Variants in TMEM131 observed in about 807,000 individuals in gnomAD.
TMEM131 encodes the protein transmembrane protein 131, also known as 2610524E03Rik.
A neutral mutation model predicts 211.6 loss-of-function variants in TMEM131; 66 were observed. The observed-to-expected ratio is 0.31, with a 90% CI of 0.26 to 0.38. The LOEUF is 0.38. Ranked by LOEUF, TMEM131 falls within the 10% of genes least tolerant of loss-of-function variation. The pLI, the probability that TMEM131 is intolerant of heterozygous loss-of-function variation, is 1.00. For missense variants in TMEM131, 2,036 were observed against 2,299.3 expected, an observed-to-expected ratio of 0.89 and a Z score of 2.34; for synonymous variants, 844 against 841.3, an observed-to-expected ratio of 1.00 and a Z score of -0.06.
At chr2:97,934,207 C>A (rs1002605567) in intron 1 of TMEM131, among the ~76,000 whole-genome samples, 3 of 152,104 alleles carry the variant, frequency 2.0e-5, no homozygotes, top group African/African-American at 7.2e-5. Flanking sequence ...AAATCCAGTA[C>A]ATTTCTATAT....
At chr2:97,811,376 C>A in intron 17 of TMEM131, 144 bp from the exon 18 acceptor site, 6 of 646,048 alleles carry the variant, frequency 9.3e-6, no homozygotes, top group South Asian at 8.6e-5. Flanking sequence ...TCACTGTGTA[C>A]AAATATCTCA....
chr2:97,963,354 G>A (rs1415750371), intron 1 of TMEM131, among the ~76,000 whole-genome samples: 1 of 152,184 alleles, frequency 6.6e-6, no homozygotes, highest in African/African-American at 2.4e-5. Flanking sequence ...GAGAAAAGGA[G>A]CTTTACTAAT....
chr2:97,904,156 A>T (rs921312565), intron 3 of TMEM131, among the ~76,000 whole-genome samples: 1 of 152,176 alleles, frequency 6.6e-6, no homozygotes, highest in African/African-American at 2.4e-5. Flanking sequence ...ACAAAATTCC[A>T]ATGAGGCCTC....
At chr2:97,851,358 A>G (rs1009460187) in intron 5 of TMEM131, among the ~76,000 whole-genome samples, 2 of 152,090 alleles carry the variant, frequency 1.3e-5, no homozygotes, top group Admixed American at 1.3e-4. Flanking sequence ...CTGTCCTTCT[A>G]GTTGCTCAGG....
intron 35 of TMEM131, chr2:97,763,411 C>G (rs1256779469): frequency 6.5e-6 from 1 of 152,756 alleles, no homozygotes; most frequent in African/African-American, 2.4e-5. Flanking sequence ...GCCAGACTCA[C>G]GGTCCTGTCT....
chr2:97,776,410 T>C (rs1042313296), intron 31 of TMEM131, among the ~76,000 whole-genome samples: 6 of 152,202 alleles, frequency 3.9e-5, no homozygotes, highest in African/African-American at 1.4e-4. Flanking sequence ...ACAACTTTTG[T>C]TGGAAGAGGC....
In TMEM131 at chr2:97,792,743, G is replaced by A. The variant is rs1320578372; in HGVS notation, c.3787C>T (p.Leu1263Phe). 1 of 1,614,020 alleles carries A rather than the reference G, an allele frequency of 6.2e-7. No homozygotes were observed. Among genetic ancestry groups the A allele is most frequent in the Admixed American group, 1.7e-5 (1 of 60,026 alleles). The change falls in exon 31 of 41, where the codon CTT becomes TTT. Residue 1263 changes from leucine to phenylalanine, a missense_variant. Around this residue, in one of 3 missense-constraint regions of TMEM131, gnomAD observed 1,623 missense variants for 1,805.9 expected, o/e 0.90. Coordinates refer to ENST00000186436, the MANE Select transcript of TMEM131 (RefSeq NM_015348.2). Reference sequence around the variant, plus strand: ...GTCACTGTGTTCGAATCTAAGACAAGGGGGCTTGTTTTGTTAGCAGACTGT... The same window carrying A: ...GTCACTGTGTTCGAATCTAAGACAAAGGGGCTTGTTTTGTTAGCAGACTGT... ...SSQSANKTSPLVLDSNTVTQG... is the reference protein window; with the variant it reads ...SSQSANKTSPFVLDSNTVTQG...
intron 5 of TMEM131, among the ~76,000 whole-genome samples, chr2:97,856,265 T>G (rs35807655): frequency 0.36 from 54,177 of 151,948 alleles, 10,708 homozygotes; most frequent in Middle Eastern, 0.49. Flanking sequence ...ATTACATAAT[T>G]TTGAATTATA....
At chr2:97,966,810 T>C (rs1230108052) in intron 1 of TMEM131, among the ~76,000 whole-genome samples, 3 of 152,166 alleles carry the variant, frequency 2.0e-5, no homozygotes, top group African/African-American at 7.2e-5. Flanking sequence ...AGCTGACACA[T>C]GAGGACTAGT....
At chr2:97,794,841 C>T (rs1412187434) in intron 29 of TMEM131, 89 bp downstream of exon 29, 1 of 1,095,056 alleles carries the variant, frequency 9.1e-7, no homozygotes, top group Non-Finnish European at 1.3e-6. Context: ...CATATCCTAG[C>T]ACTCAGAACA....
At chr2:97,774,654 G>A (rs10191483) in intron 32 of TMEM131, among the ~76,000 whole-genome samples, 30,869 of 152,108 alleles carry the variant, frequency 0.2, 3,435 homozygotes, top group Middle Eastern at 0.26. Flanking sequence ...ACTGGGGGCC[G>A]CTGGAGAGGG....
chr2:97,971,878 T>C (rs1281374525), intron 1 of TMEM131, among the ~76,000 whole-genome samples: 15 of 150,872 alleles, frequency 9.9e-5, no homozygotes, highest in Admixed American at 9.9e-4. Flanking sequence ...ATAAGCAAAA[T>C]AAAATAAAAT....
chr2:97,807,110 T>C (rs1681343944), intron 19 of TMEM131, among the ~76,000 whole-genome samples: 6 of 152,344 alleles, frequency 3.9e-5, no homozygotes, highest in Middle Eastern at 6.8e-3. Context: ...TCTGAGGTAT[T>C]GTTTCCAGTA....
chr2:97,854,234 T>C (rs1673748402), intron 5 of TMEM131, among the ~76,000 whole-genome samples: 1 of 152,328 alleles, frequency 6.6e-6, no homozygotes, highest in African/African-American at 2.4e-5. Flanking sequence ...GCTGACATGA[T>C]CATCAGCAGT....
chr2:97,785,963 T>C (rs1015626584), intron 31 of TMEM131, among the ~76,000 whole-genome samples: 5 of 152,222 alleles, frequency 3.3e-5, no homozygotes, highest in Non-Finnish European at 7.3e-5. Context: ...TTCTACAATT[T>C]TGTCATTTCA....
chr2:97,995,352 T>C (rs925778506), intron 1 of TMEM131, 124 bp downstream of exon 1: 3 of 1,014,032 alleles, frequency 3.0e-6, no homozygotes, highest in Admixed American at 4.4e-5. Flanking sequence ...CTCGGGACGG[T>C]ACCCGACCGC....
At chr2:97,988,654 A>G (rs1275878203) in intron 1 of TMEM131, among the ~76,000 whole-genome samples, 1 of 152,204 alleles carries the variant, frequency 6.6e-6, no homozygotes, top group Non-Finnish European at 1.5e-5. Flanking sequence ...CAAATGCCCA[A>G]GAAGGATATG....
chr2:97,919,049 G>GT (rs1334708126), intron 2 of TMEM131, among the ~76,000 whole-genome samples: 2 of 152,140 alleles, frequency 1.3e-5, no homozygotes, highest in African/African-American at 4.8e-5. Context: ...TGTGGCTTAA[G>GT]TTTCTCACAT....
chr2:97,766,260 G>A lies in TMEM131; in HGVS notation c.4577C>T (p.Thr1526Ile), dbSNP rs778668500. Residue 1526 changes from threonine to isoleucine, a missense_variant, in exon 35 of 41, where the codon ACA (threonine) becomes ATA (isoleucine). Transcript: ENST00000186436. ...TGGTCTGTTATCCACTAACTTACTT[G>A]TACCTGCACAAAAATCAGAAAAGAA... is the stretch of plus-strand genomic sequence containing the variant. ...KSRNAQKTKG[T>I]SKLVDNRPPA... 2 of 1,613,972 alleles carry A rather than the reference G, an allele frequency of 1.2e-6. No individual in the cohort carries two copies. Among genetic ancestry groups the A allele is most frequent in the Non-Finnish European group, 8.5e-7 (1 of 1,179,880 alleles).
Sources: gnomAD v4.1 joint callset for allele counts (sites outside exome capture counted in the v4.1 genomes callset) on GRCh38, gnomAD v4.1.1 for gene constraint, gnomAD v4.1.1 regional missense constraint, MANE v1.5 for transcripts, NCBI Gene and HGNC (gene_info 2026-07-23, HGNC 2026-07-21) for gene names.